Variants in MYO18B observed in about 807,000 individuals in gnomAD.
The protein encoded by MYO18B is unconventional myosin-XVIIIb.
A neutral mutation model predicts 273.0 loss-of-function variants in MYO18B; 204 were observed. That is an observed-to-expected ratio of 0.75 (90% CI 0.67 to 0.84). The LOEUF (loss-of-function observed/expected upper bound fraction) is 0.84. Ranked by LOEUF, MYO18B falls within the 40% of genes least tolerant of loss-of-function variation. MYO18B has a pLI of 0.00. For missense variants in MYO18B, 3,212 were observed against 3,287.6 expected, an observed-to-expected ratio of 0.98 and a Z score of 0.56; for synonymous variants, 1,330 against 1,305.7, an observed-to-expected ratio of 1.02 and a Z score of -0.40.
intron 42 of MYO18B, among the ~76,000 whole-genome samples, chr22:26,021,404 G>A (rs532999117): frequency 6.6e-6 from 1 of 152,306 alleles, no homozygotes; most frequent in East Asian, 1.9e-4. Flanking sequence ...ATTTTATTGA[G>A]CACCTACTAT....
intron 42 of MYO18B, among the ~76,000 whole-genome samples, chr22:26,013,129 C>G (rs758536535): frequency 2.0e-5 from 3 of 151,984 alleles, no homozygotes; most frequent in Non-Finnish European, 4.4e-5. Context: ...TGCATCTACA[C>G]TGTTGCATGT....
chr22:25,992,398 A>G lies in MYO18B; in HGVS notation c.6192A>G (p.Gln2064=). ...KYVEELAAVR[Q]TLQTDLETSI... ...TGGAGGAACTTGCAGCAGTGAGGCA[A>G]ACCCTCCAGACAGACCTGGAGACAT... Residue 2064 remains glutamine, a synonymous_variant, in exon 40 of 44, where the codon CAA becomes CAG. Coordinates refer to ENST00000335473, the MANE Select transcript of MYO18B (RefSeq NM_032608.7). The G allele has an allele frequency of 6.2e-7, 1 of 1,614,022 alleles. No individual in the cohort carries two copies. Among genetic ancestry groups the G allele is most frequent in the Non-Finnish European group, 8.5e-7 (1 of 1,179,892 alleles).
At chr22:25,861,450 G>C (rs948999707) in intron 21 of MYO18B, among the ~76,000 whole-genome samples, 1 of 152,086 alleles carries the variant, frequency 6.6e-6, no homozygotes, top group Non-Finnish European at 1.5e-5. Context: ...AACAAAATTT[G>C]TCTGATATTA....
At chr22:25,869,975 G>A (rs2146155632) in intron 22 of MYO18B, among the ~76,000 whole-genome samples, 1 of 152,308 alleles carries the variant, frequency 6.6e-6, no homozygotes. Flanking sequence ...CACGCACTAT[G>A]TGAGGCAACT....
In MYO18B at chr22:25,772,071, C is replaced by G. The variant is rs145908431; in HGVS notation, c.1693-263C>G. Among the ~76,000 whole-genome samples the G allele has an allele frequency of 5.8e-3, 884 of 152,316 alleles. 8 individuals carry two copies. Among genetic ancestry groups the G allele is most frequent in the African/African-American group, 0.02 (845 of 41,554 alleles). On this transcript the variant is annotated intron_variant, in intron 6 of 43. Transcript: ENST00000335473. Reference sequence around the variant, plus strand: ...TGTCAAGTCTGCCTTGGGAGCGTCTCCCCTCATGGTGCATGGAGTGCAGGA... The same window carrying G: ...TGTCAAGTCTGCCTTGGGAGCGTCTGCCCTCATGGTGCATGGAGTGCAGGA...
At chr22:26,018,956 CA>C (rs1179579054) in intron 42 of MYO18B, among the ~76,000 whole-genome samples, 1 of 151,774 alleles carries the variant, frequency 6.6e-6, no homozygotes, top group East Asian at 1.9e-4. Flanking sequence ...AACTCCATCT[CA>C]AAAAAAAGAA....
intron 11 of MYO18B, among the ~76,000 whole-genome samples, chr22:25,789,108 C>CTCCTCCTCCTCCTCCTCT (rs2087536993): frequency 1.5e-5 from 2 of 134,204 alleles, no homozygotes; most frequent in African/African-American, 2.9e-5. Flanking sequence ...CTTCCTCCTC[C>CTCCTCCTCCTCCTCCTCT]TCCTCCTCCT....
chr22:25,986,790 A>G (rs1188293917), intron 39 of MYO18B, among the ~76,000 whole-genome samples: 2 of 152,244 alleles, frequency 1.3e-5, no homozygotes, highest in Non-Finnish European at 2.9e-5. Flanking sequence ...CCAGATTCTA[A>G]TAAATACGTC....
chr22:25,948,459 C>CTTTCTTTCTTTCT (rs2092748160), intron 36 of MYO18B, among the ~76,000 whole-genome samples: 43 of 67,708 alleles, frequency 6.4e-4, no homozygotes, highest in African/African-American at 2.0e-3. Context: ...TCCTTCCTTC[C>CTTTCTTTCTTTCT]TTCTTTCTTT....
chr22:25,927,086 G>A (rs1279800709), intron 34 of MYO18B, among the ~76,000 whole-genome samples: 7 of 152,128 alleles, frequency 4.6e-5, no homozygotes, highest in Non-Finnish European at 8.8e-5. Context: ...TCAGGACCCT[G>A]TAATAATTGC....
At chr22:25,764,727 T>C (rs1442230175) in intron 3 of MYO18B, among the ~76,000 whole-genome samples, 2 of 152,192 alleles carry the variant, frequency 1.3e-5, no homozygotes, top group African/African-American at 4.8e-5. Context: ...GGGGCCAAAG[T>C]TGACCCCGGC....
At chr22:26,015,031 C>A (rs1224305322) in intron 42 of MYO18B, among the ~76,000 whole-genome samples, 1 of 152,114 alleles carries the variant, frequency 6.6e-6, no homozygotes, top group Non-Finnish European at 1.5e-5. Flanking sequence ...TGATAAGTCT[C>A]TTTTGCTGTA....
chr22:25,929,985 G>T (rs570511371), intron 34 of MYO18B, among the ~76,000 whole-genome samples: 1 of 152,248 alleles, frequency 6.6e-6, no homozygotes, highest in East Asian at 1.9e-4. Flanking sequence ...CTACACGGAT[G>T]CATATTTTGG....
chr22:25,979,354 T>C (rs2093125997), intron 39 of MYO18B, among the ~76,000 whole-genome samples: 1 of 152,214 alleles, frequency 6.6e-6, no homozygotes, highest in African/African-American at 2.4e-5. Flanking sequence ...ATTATGTTGA[T>C]ATAATTATTC....
rs767260416 is a variant in MYO18B, at chr22:25,910,938, A to G, written c.5260-8A>G. 1 of 1,578,182 alleles carries G rather than the reference A, an allele frequency of 6.3e-7. No individual in the cohort carries two copies. Among genetic ancestry groups the G allele is most frequent in the Non-Finnish European group, 8.6e-7 (1 of 1,160,974 alleles). The stretch of plus-strand genomic sequence containing the variant: ...ACCCTGTGATGTTTCTTCCCTGTGT[A>G]TCCACAGCTTCATCAGCTGGAAATG... On this transcript the variant is annotated splice_region_variant and splice_polypyrimidine_tract_variant and intron_variant, in intron 32 of 43. Coordinates refer to ENST00000335473, the MANE Select transcript of MYO18B (RefSeq NM_032608.7).
In MYO18B at chr22:25,867,619, A is replaced by ATTTCTTTCTTTCTTTCTTTC. The variant is rs143349723; in HGVS notation, c.3886-697_3886-678dup. The stretch of plus-strand genomic sequence containing the variant: ...ATATAAATATCTCTTCAAGACCCTG[A>ATTTCTTTCTTTCTTTCTTTC]TTTCTTTCTTTCTTTCTTTCTTTTT... On this transcript the variant is annotated intron_variant, in intron 21 of 43. Transcript: ENST00000335473. 6.7e-4 allele frequency among the ~76,000 whole-genome samples: 101 copies of ATTTCTTTCTTTCTTTCTTTC among 150,792 alleles called. 1 individual carries two copies. Among genetic ancestry groups the ATTTCTTTCTTTCTTTCTTTC allele is most frequent in the African/African-American group, 2.4e-3 (97 of 40,980 alleles).
At chr22:25,792,558 G>A (rs548810201) in intron 11 of MYO18B, among the ~76,000 whole-genome samples, 3 of 132,576 alleles carry the variant, frequency 2.3e-5, no homozygotes, top group Admixed American at 1.9e-4. Flanking sequence ...GCAATGGCGC[G>A]GTCTCGGCTC....
chr22:25,973,704 C>T (rs546771804), intron 39 of MYO18B, among the ~76,000 whole-genome samples: 6 of 152,298 alleles, frequency 3.9e-5, no homozygotes, highest in South Asian at 2.1e-4. Context: ...GGACAGCAGG[C>T]ATGATCTCAA....
In MYO18B at chr22:25,891,321, C is replaced by T. The variant is rs1020065853; in HGVS notation, c.4452C>T (p.Val1484=). 2 of 1,574,136 alleles carry T rather than the reference C, an allele frequency of 1.3e-6. No homozygotes were observed. Among genetic ancestry groups the T allele is most frequent in the African/African-American group, 2.7e-5 (2 of 73,884 alleles). ...TCTTCTAGAGCAAGCATGAACAAGT[C>T]CAGAAAAAACTGGGAGATGTGAATA... ...VQELKSKHEQ[V]QKKLGDVNKQ... Residue 1484 remains valine (V), a synonymous_variant, in exon 27 of 44, where the codon GTC becomes GTT. Transcript: ENST00000335473.
Sources: allele counts gnomAD v4.1 joint callset (sites outside exome capture counted in the v4.1 genomes callset), GRCh38; gene constraint gnomAD v4.1.1; transcripts MANE v1.5; gene names NCBI Gene and HGNC (gene_info 2026-07-23, HGNC 2026-07-21).